KCNN3: variants seen among roughly 807,000 people sequenced by gnomAD.
The protein encoded by KCNN3 is small conductance calcium-activated potassium channel protein 3.
KCNN3 carries 16 observed loss-of-function variants against 62.9 expected under a neutral mutation model. The ratio of observed to expected loss-of-function variants is 0.25; its 90% CI spans 0.17 to 0.39. KCNN3 has a LOEUF of 0.39. Among genes scored for constraint, KCNN3 ranks in the 10% least tolerant of loss-of-function variants. KCNN3 has a pLI of 1.00. For missense variants in KCNN3, 599 were observed against 949.4 expected, an observed-to-expected ratio of 0.63 and a Z score of 4.85; for synonymous variants, 370 against 389.2, an observed-to-expected ratio of 0.95 and a Z score of 0.58.
intron 3 of KCNN3, among the ~76,000 whole-genome samples, chr1:154,748,128 A>T (rs1700979394): frequency 6.6e-6 from 1 of 152,192 alleles, no homozygotes; most frequent in South Asian, 2.1e-4. Context: ...ATGAACAAGG[A>T]CTTAGGGGAA....
At chr1:154,834,534 A>G (rs1010378391) in intron 1 of KCNN3, among the ~76,000 whole-genome samples, 3 of 152,140 alleles carry the variant, frequency 2.0e-5, no homozygotes, top group African/African-American at 4.8e-5. Flanking sequence ...CTCATTCCAC[A>G]CTAATTGATT....
At chr1:154,856,008 C>T (rs186686735) in intron 1 of KCNN3, among the ~76,000 whole-genome samples, 25 of 152,314 alleles carry the variant, frequency 1.6e-4, no homozygotes, top group Non-Finnish European at 2.6e-4. Flanking sequence ...TCCCTCTCCC[C>T]GCCCTGAGGG....
chr1:154,798,316 G>A (rs1318715287), intron 2 of KCNN3, among the ~76,000 whole-genome samples: 1 of 152,214 alleles, frequency 6.6e-6, no homozygotes, highest in East Asian at 1.9e-4. Flanking sequence ...GACACACAGT[G>A]CTTGCCTGGT....
chr1:154,847,315 T>C (rs1652114937), intron 1 of KCNN3, among the ~76,000 whole-genome samples: 1 of 150,866 alleles, frequency 6.6e-6, no homozygotes, highest in Non-Finnish European at 1.5e-5. Context: ...GGCTCTTTCC[T>C]CTCTGGAGCC....
At chr1:154,749,011 T>C (rs1432595249) in intron 3 of KCNN3, among the ~76,000 whole-genome samples, 1 of 152,142 alleles carries the variant, frequency 6.6e-6, no homozygotes, top group African/African-American at 2.4e-5. Context: ...AGGAGCCCTG[T>C]CTTTGACCAT....
intron 2 of KCNN3, among the ~76,000 whole-genome samples, chr1:154,806,508 G>T (rs1002301710): frequency 2.0e-5 from 3 of 152,198 alleles, no homozygotes; most frequent in African/African-American, 7.2e-5. Flanking sequence ...TTTGCCCGAG[G>T]TCACCCATTA....
intron 2 of KCNN3, among the ~76,000 whole-genome samples, chr1:154,817,688 G>A (rs1650723565): frequency 1.3e-5 from 2 of 152,188 alleles, no homozygotes; most frequent in South Asian, 4.1e-4. Flanking sequence ...CTGCCTGCTA[G>A]CCTGCCTTCC....
At chr1:154,731,136 T>G (rs1700584555) in intron 4 of KCNN3, among the ~76,000 whole-genome samples, 1 of 152,248 alleles carries the variant, frequency 6.6e-6, no homozygotes, top group Non-Finnish European at 1.5e-5. Context: ...CAGCCCTGGC[T>G]GAGAGCTGGT....
chr1:154,761,665 G>T (rs1315695971), intron 3 of KCNN3, among the ~76,000 whole-genome samples: 1 of 151,560 alleles, frequency 6.6e-6, no homozygotes, highest in East Asian at 1.9e-4. Context: ...TAGGCCGGGC[G>T]CGGTGGCTCA....
chr1:154,861,160 G>A (rs1438983057), intron 1 of KCNN3, among the ~76,000 whole-genome samples: 2 of 152,004 alleles, frequency 1.3e-5, no homozygotes, highest in African/African-American at 4.8e-5. Context: ...TCGCCATGTT[G>A]GCCAGGCTGG....
chr1:154,708,303 G>C lies in KCNN3; in HGVS notation c.1900-31C>G, dbSNP rs1047701494. On this transcript the variant is annotated intron_variant, in intron 7 of 7. Transcript: ENST00000271915. ...TGGAGAGAGAGAGGCGAGAGACAGG[G>C]AGATGACAGGTCATCACAGAGGAAT... The C allele has an allele frequency of 6.8e-6, 11 of 1,607,438 alleles. No homozygotes were observed. The African/African-American group carries it at 1.5e-4, about 22-fold the overall frequency.
intron 1 of KCNN3, among the ~76,000 whole-genome samples, chr1:154,828,698 G>C (rs986689346): frequency 3.9e-5 from 6 of 152,114 alleles, no homozygotes; most frequent in African/African-American, 1.4e-4. Flanking sequence ...TCATGCATAC[G>C]AAAAATCTCA....
intron 1 of KCNN3, among the ~76,000 whole-genome samples, chr1:154,863,644 T>G (rs1459024830): frequency 6.6e-6 from 1 of 152,166 alleles, no homozygotes; most frequent in Non-Finnish European, 1.5e-5. Context: ...CTTTTCATTT[T>G]GACTTTCTTT....
At chr1:154,776,540 T>A (rs1219495611) in intron 2 of KCNN3, among the ~76,000 whole-genome samples, 4 of 152,190 alleles carry the variant, frequency 2.6e-5, no homozygotes, top group Non-Finnish European at 5.9e-5. Context: ...TCCCAGAAGA[T>A]CCCATTGCTG....
At chr1:154,761,106 A>G (rs1157192212) in intron 3 of KCNN3, among the ~76,000 whole-genome samples, 2 of 152,196 alleles carry the variant, frequency 1.3e-5, no homozygotes, top group Non-Finnish European at 2.9e-5. Context: ...TTAAAAATTT[A>G]TATATGTATA....
chr1:154,701,208 C>G lies in KCNN3; in HGVS notation c.*6768G>C, dbSNP rs1398054950. ...CATATAAATTGAAATTTGAAGGATTCCAGCCTTTTCCCAGGAGAAAACTTG... is the reference window on the plus strand; with the variant it reads ...CATATAAATTGAAATTTGAAGGATTGCAGCCTTTTCCCAGGAGAAAACTTG... On this transcript the variant is annotated 3_prime_UTR_variant, in exon 8 of 8. Coordinates refer to ENST00000271915, the MANE Select transcript of KCNN3 (RefSeq NM_002249.6). The G allele has an allele frequency of 2.6e-5, 4 of 152,166 alleles. No homozygotes were observed. Among genetic ancestry groups the G allele is most frequent in the Non-Finnish European group, 5.9e-5 (4 of 68,030 alleles). The allele number at this position is 152,166 out of a possible 1,614,324, so 9.4% of individuals were successfully genotyped here.
intron 4 of KCNN3, 139 bp downstream of exon 4, chr1:154,732,864 T>A: frequency 1.2e-6 from 1 of 826,314 alleles, no homozygotes; most frequent in Non-Finnish European, 2.1e-6. Context: ...ATTTTATGTG[T>A]AGGGGACACA....
intron 2 of KCNN3, among the ~76,000 whole-genome samples, chr1:154,789,098 G>T (rs1649403681): frequency 6.6e-6 from 1 of 152,210 alleles, no homozygotes; most frequent in African/African-American, 2.4e-5. Flanking sequence ...TGTCCGCAGG[G>T]CTGGCTCCTT....
At chr1:154,778,848 C>T (rs1234892524) in intron 2 of KCNN3, among the ~76,000 whole-genome samples, 1 of 152,042 alleles carries the variant, frequency 6.6e-6, no homozygotes, top group East Asian at 1.9e-4. Flanking sequence ...GTGATCCACC[C>T]ACCTTGGCCT....
Sources: allele counts gnomAD v4.1 joint callset (sites outside exome capture counted in the v4.1 genomes callset), GRCh38; gene constraint gnomAD v4.1.1; transcripts MANE v1.5; gene names NCBI Gene and HGNC (gene_info 2026-07-23, HGNC 2026-07-21).